Variants in EIF3H observed in about 807,000 individuals in gnomAD.
The protein encoded by EIF3H is eIF-3-gamma.
In EIF3H, 26 loss-of-function variants were observed where a neutral mutation model predicts 44.2. The ratio of observed to expected loss-of-function variants is 0.59; its 90% confidence interval spans 0.43 to 0.82. EIF3H has a LOEUF of 0.82. Among genes scored for constraint, EIF3H ranks in the 40% least tolerant of loss-of-function variants. The pLI is 0.00. For synonymous variants in EIF3H, 166 were observed against 151.9 expected (o/e 1.09, Z -0.68); for missense variants, 359 against 432.8 (o/e 0.83, Z 1.51).
chr8:116,650,502 T>C (rs1187277792), intron 5 of EIF3H, among the ~76,000 whole-genome samples: 1 of 152,154 alleles, frequency 6.6e-6, no homozygotes, highest in African/African-American at 2.4e-5. Context: ...AATCTAAAAT[T>C]CCATCAAATG....
At chr8:116,707,887 C>T (rs1204456567) in intron 2 of EIF3H, among the ~76,000 whole-genome samples, 1 of 152,130 alleles carries the variant, frequency 6.6e-6, no homozygotes, top group East Asian at 1.9e-4. Context: ...TCTAACTAAT[C>T]TCATTTTTCT....
chr8:116,687,917 T>TA (rs751096872), intron 2 of EIF3H, among the ~76,000 whole-genome samples: 2 of 152,018 alleles, frequency 1.3e-5, no homozygotes, highest in Admixed American at 6.6e-5. Flanking sequence ...AGAATATTTG[T>TA]AAAAAAATAA....
At chr8:116,669,551 C>A (rs1435784033) in intron 2 of EIF3H, among the ~76,000 whole-genome samples, 1 of 152,170 alleles carries the variant, frequency 6.6e-6, no homozygotes, top group African/African-American at 2.4e-5. Flanking sequence ...TTAAATATAG[C>A]AAACAGCTTT....
chr8:116,715,418 G>A (rs974956290), intron 2 of EIF3H, among the ~76,000 whole-genome samples: 3 of 151,876 alleles, frequency 2.0e-5, no homozygotes, highest in Non-Finnish European at 4.4e-5. Flanking sequence ...TATACATGGT[G>A]CACACATGAA....
intron 2 of EIF3H, among the ~76,000 whole-genome samples, chr8:116,723,383 T>A (rs988506332): frequency 6.6e-6 from 1 of 152,018 alleles, no homozygotes; most frequent in African/African-American, 2.4e-5. Context: ...TCAACCTTAA[T>A]TCTGTGGGAG....
At chr8:116,667,964 G>A (rs1450650723) in intron 2 of EIF3H, among the ~76,000 whole-genome samples, 1 of 152,136 alleles carries the variant, frequency 6.6e-6, no homozygotes, top group African/African-American at 2.4e-5. Flanking sequence ...TTTGTTTAAT[G>A]AGCATTTTCA....
intron 5 of EIF3H, 131 bp from the exon 6 acceptor site, chr8:116,649,057 GC>G (rs1378811816): frequency 1.4e-6 from 1 of 707,562 alleles, no homozygotes. Context: ...ATGCATAAAA[GC>G]AAGAGCAGAG....
intron 5 of EIF3H, among the ~76,000 whole-genome samples, chr8:116,649,284 T>G (rs949781238): frequency 1.1e-4 from 17 of 152,186 alleles, no homozygotes; most frequent in African/African-American, 3.9e-4. Flanking sequence ...CCTGCCCAAA[T>G]GCATTCCATA....
At chr8:116,709,972 G>C (rs938336454) in intron 2 of EIF3H, among the ~76,000 whole-genome samples, 1 of 152,196 alleles carries the variant, frequency 6.6e-6, no homozygotes, top group African/African-American at 2.4e-5. Context: ...CAAAGAGCTA[G>C]TTGGACTGGT....
intron 2 of EIF3H, among the ~76,000 whole-genome samples, chr8:116,672,164 G>A (rs779177082): frequency 2.6e-5 from 4 of 152,160 alleles, no homozygotes; most frequent in Non-Finnish European, 4.4e-5. Flanking sequence ...AAAATCTGCC[G>A]TGAATAAAAT....
chr8:116,676,953 A>T (rs200615431), intron 2 of EIF3H, among the ~76,000 whole-genome samples: 1 of 75,844 alleles, frequency 1.3e-5, no homozygotes, highest in East Asian at 6.4e-4. Flanking sequence ...GCTTTAAAAT[A>T]AAAAAAAAAA....
At chr8:116,760,485 T>C (rs1815508260), upstream of EIF3H, among the ~76,000 whole-genome samples, 1 of 152,210 alleles carries the variant, frequency 6.6e-6, no homozygotes, top group African/African-American at 2.4e-5. Flanking sequence ...ACATAAGAAT[T>C]AGCATGTGGT....
chr8:116,677,602 C>T (rs781071072), intron 2 of EIF3H, among the ~76,000 whole-genome samples: 62 of 152,318 alleles, frequency 4.1e-4, no homozygotes, highest in Non-Finnish European at 7.2e-4. Flanking sequence ...TAATAGCTTC[C>T]ATTTACTGAG....
At chr8:116,698,991 A>T (rs987919992) in intron 2 of EIF3H, among the ~76,000 whole-genome samples, 1 of 152,208 alleles carries the variant, frequency 6.6e-6, no homozygotes, top group Non-Finnish European at 1.5e-5. Flanking sequence ...TACAAAAAAA[A>T]TACAAAAATT....
At chr8:116,721,156 T>C (rs1814739041) in intron 2 of EIF3H, among the ~76,000 whole-genome samples, 1 of 152,106 alleles carries the variant, frequency 6.6e-6, no homozygotes, top group Non-Finnish European at 1.5e-5. Context: ...TTCTGCTGTG[T>C]GTAGCCTAGG....
chr8:116,652,388 T>C (rs16888619), intron 5 of EIF3H, among the ~76,000 whole-genome samples: 8,295 of 152,246 alleles, frequency 0.054, 765 homozygotes, highest in African/African-American at 0.19. Flanking sequence ...AGAAGTTTGA[T>C]TATGAAACAA....
Position 116,712,411 on chromosome 8 carries a change from C to CA in EIF3H, c.289+13604dup, listed in dbSNP as rs1219538819. On this transcript the variant is annotated intron_variant, in intron 2 of 7. Coordinates refer to ENST00000521861, the MANE Select transcript of EIF3H (RefSeq NM_003756.3). The stretch of plus-strand genomic sequence containing the variant: ...TGTCTGTAGGTTAGATGTTAGAGGG[C>CA]AAAAAAAACAGTAAATATGTATATA... Among the ~76,000 whole-genome samples, 9 of 151,092 alleles carry CA rather than the reference C, an allele frequency of 6.0e-5. No individual in the cohort carries two copies. In the South Asian group the frequency reaches 6.3e-4, roughly 11 times the overall value.
chr8:116,668,624 CTGAATAACATCTTTA>C (rs1406142821), intron 2 of EIF3H, among the ~76,000 whole-genome samples: 1 of 151,942 alleles, frequency 6.6e-6, no homozygotes, highest in Non-Finnish European at 1.5e-5. Context: ...CTAACCTGGT[CTGAATAACATCTTTA>C]CCACACATTA....
At chr8:116,755,962 G>A, upstream of EIF3H, 1 of 1,536,420 alleles carries the variant, frequency 6.5e-7, no homozygotes, top group Non-Finnish European at 8.7e-7. Flanking sequence ...CTTCTTTCCA[G>A]GCGGTATCCT....
Sources: allele counts gnomAD v4.1 joint callset (sites outside exome capture counted in the v4.1 genomes callset), GRCh38; gene constraint gnomAD v4.1.1; transcripts MANE v1.5; gene names NCBI Gene and HGNC (gene_info 2026-07-23, HGNC 2026-07-21).